Variants in DOK6 observed in about 807,000 individuals in gnomAD.
DOK6 encodes the protein downstream of tyrosine kinase 6.
Under a neutral mutation model 44.0 loss-of-function variants are expected in DOK6, and 22 were observed. That is an observed-to-expected ratio of 0.50 (90% CI 0.36 to 0.71). The LOEUF (loss-of-function observed/expected upper bound fraction) is 0.71, where lower values mean the gene tolerates loss of function less well. Among genes scored for constraint, DOK6 ranks in the 30% least tolerant of loss-of-function variants. DOK6 has a pLI of 0.00. For missense variants in DOK6, 340 were observed against 416.4 expected (o/e 0.82, Z 1.60); for synonymous variants, 166 against 145.5 (o/e 1.14, Z -1.01).
chr18:69,764,248 G>A lies in DOK6; in HGVS notation c.856+6375G>A, dbSNP rs532495971. Reference sequence around the variant, plus strand: ...TCTTTTATAAACTAATGGTGAGAACGAGGGCCAAGAATATGAGCTGAACAC... The same window carrying A: ...TCTTTTATAAACTAATGGTGAGAACAAGGGCCAAGAATATGAGCTGAACAC... On this transcript the variant is annotated intron_variant, in intron 7 of 7. Coordinates refer to ENST00000382713, the MANE Select transcript of DOK6 (RefSeq NM_152721.6). 7.9e-5 allele frequency among the ~76,000 whole-genome samples: 12 copies of A among 152,246 alleles called. No individual in the cohort carries two copies. In the East Asian group the frequency reaches 1.2e-3, roughly 15 times the overall value.
At chr18:69,628,360 C>T (rs770289685) in intron 3 of DOK6, among the ~76,000 whole-genome samples, 1 of 152,144 alleles carries the variant, frequency 6.6e-6, no homozygotes, top group Admixed American at 6.5e-5. Flanking sequence ...TTTCATGGCC[C>T]ATGCCTGTAA....
intron 5 of DOK6, among the ~76,000 whole-genome samples, chr18:69,725,233 T>G (rs2144726775): frequency 6.6e-6 from 1 of 152,246 alleles, no homozygotes. Flanking sequence ...GCTTTCCCGA[T>G]CACCACCCGT....
intron 3 of DOK6, among the ~76,000 whole-genome samples, chr18:69,603,527 T>C (rs1441433376): frequency 6.6e-6 from 1 of 152,188 alleles, no homozygotes; most frequent in Non-Finnish European, 1.5e-5. Flanking sequence ...ATCCCAGCAC[T>C]TCGGGAGGCC....
chr18:69,711,644 TACTC>T (rs1285767144), intron 5 of DOK6, among the ~76,000 whole-genome samples: 10 of 152,336 alleles, frequency 6.6e-5, no homozygotes, highest in Admixed American at 5.2e-4. Flanking sequence ...TTTGTCCAAA[TACTC>T]CTCAGGGCAT....
At chr18:69,444,641 A>G (rs1383877751) in intron 1 of DOK6, among the ~76,000 whole-genome samples, 1 of 123,644 alleles carries the variant, frequency 8.1e-6, no homozygotes, top group African/African-American at 3.2e-5. Context: ...ATATAAAATC[A>G]ACCTTTTTTT....
chr18:69,406,869 T>A (rs1599116157), intron 1 of DOK6, among the ~76,000 whole-genome samples: 1 of 152,110 alleles, frequency 6.6e-6, no homozygotes, highest in Non-Finnish European at 1.5e-5. Flanking sequence ...TCACCTGAGG[T>A]CAGGAGTTTG....
chr18:69,556,536 C>T (rs1425244829), intron 1 of DOK6, among the ~76,000 whole-genome samples: 2 of 152,182 alleles, frequency 1.3e-5, no homozygotes, highest in African/African-American at 4.8e-5. Context: ...CACCCATCTA[C>T]GATATTGAAA....
At chr18:69,584,949 C>A (rs1309489113) in intron 2 of DOK6, among the ~76,000 whole-genome samples, 1 of 151,772 alleles carries the variant, frequency 6.6e-6, no homozygotes, top group Non-Finnish European at 1.5e-5. Flanking sequence ...TTTATTCCTA[C>A]CTTCTTTCAT....
chr18:69,691,306 G>A (rs73970228), intron 4 of DOK6, among the ~76,000 whole-genome samples: 3,438 of 152,226 alleles, frequency 0.023, 118 homozygotes, highest in African/African-American at 0.079. Flanking sequence ...AAAGAACCAA[G>A]AAGTGTTAAG....
At chr18:69,647,118 T>C (rs1281819508) in intron 3 of DOK6, among the ~76,000 whole-genome samples, 2 of 152,172 alleles carry the variant, frequency 1.3e-5, no homozygotes, top group East Asian at 3.9e-4. Context: ...ATCTATCCTA[T>C]CTGTCTATCC....
chr18:69,502,604 C>A (rs1394437972), intron 1 of DOK6, among the ~76,000 whole-genome samples: 2 of 151,966 alleles, frequency 1.3e-5, no homozygotes, highest in African/African-American at 4.8e-5. Context: ...ACGTGAAATT[C>A]TGAGGTGGTT....
chr18:69,416,562 A>G (rs1051204910), intron 1 of DOK6, among the ~76,000 whole-genome samples: 2 of 151,498 alleles, frequency 1.3e-5, no homozygotes, highest in South Asian at 2.1e-4. Flanking sequence ...TGGGAGAAAC[A>G]TCTGCCTTCT....
intron 3 of DOK6, among the ~76,000 whole-genome samples, chr18:69,656,989 A>G (rs945542808): frequency 2.6e-5 from 4 of 152,210 alleles, no homozygotes; most frequent in African/African-American, 9.7e-5. Context: ...CTGTTAGAGA[A>G]GATAGGAAAG....
intron 7 of DOK6, among the ~76,000 whole-genome samples, chr18:69,791,663 G>C (rs1293338950): frequency 6.6e-6 from 1 of 151,964 alleles, no homozygotes; most frequent in Non-Finnish European, 1.5e-5. Flanking sequence ...ATCCCTTATT[G>C]GATGGGGAGT....
intron 5 of DOK6, among the ~76,000 whole-genome samples, chr18:69,738,011 C>A (rs930759581): frequency 4.6e-5 from 7 of 152,172 alleles, no homozygotes; most frequent in Admixed American, 2.6e-4. Context: ...CTTCATTTTT[C>A]CCCCAGACTT....
intron 6 of DOK6, among the ~76,000 whole-genome samples, chr18:69,745,619 A>G (rs1298817805): frequency 6.7e-6 from 1 of 150,360 alleles, no homozygotes; most frequent in Admixed American, 6.6e-5. Context: ...ATTGTAGAAG[A>G]AACACAGTAG....
rs929830129 is a variant in DOK6 at position 69,841,542 on chromosome 18, C to T, written c.*159C>T. Reference sequence around the variant, plus strand: ...AAGGTTAAAAACTGGAGTTCTGCTTCCTTGATTCAGTGGCTAAGTCCTTTA... The same window carrying T: ...AAGGTTAAAAACTGGAGTTCTGCTTTCTTGATTCAGTGGCTAAGTCCTTTA... On this transcript the variant is annotated 3_prime_UTR_variant, in exon 8 of 8. Coordinates refer to ENST00000382713, the MANE Select transcript of DOK6 (RefSeq NM_152721.6). 3.1e-6 allele frequency: 3 copies of T among 956,012 alleles called. No homozygotes were observed. Among genetic ancestry groups the T allele is most frequent in the South Asian group, 2.3e-5 (1 of 42,906 alleles). The allele number at this position is 956,012 out of a possible 1,614,324, so 59.2% of individuals were successfully genotyped here.
chr18:69,724,906 C>T (rs535175150), intron 5 of DOK6: 5 of 152,296 alleles, frequency 3.3e-5, no homozygotes, highest in African/African-American at 1.2e-4. Flanking sequence ...TCCTGACCCA[C>T]CAGGACTCTG....
chr18:69,614,225 C>G (rs1323941315), intron 3 of DOK6, among the ~76,000 whole-genome samples: 1 of 151,998 alleles, frequency 6.6e-6, no homozygotes, highest in Non-Finnish European at 1.5e-5. Context: ...CCAGAGGAAT[C>G]TCTGTAGTTT....
Sources: gnomAD v4.1 joint callset for allele counts (sites outside exome capture counted in the v4.1 genomes callset) on GRCh38, gnomAD v4.1.1 for gene constraint, MANE v1.5 for transcripts, NCBI Gene and HGNC (gene_info 2026-07-23, HGNC 2026-07-21) for gene names.